TAF3: variants seen among roughly 807,000 people sequenced by gnomAD.
The protein encoded by TAF3 is TATA-box binding protein associated factor 3.
Under a neutral mutation model 80.6 loss-of-function variants are expected in TAF3, and 7 were observed. The ratio of observed to expected loss-of-function variants is 0.09; its 90% CI spans 0.05 to 0.16. The LOEUF is 0.16. Ranked by LOEUF, TAF3 falls within the 10% of genes least tolerant of loss-of-function variation. TAF3 has a pLI of 1.00. For missense variants in TAF3, 921 were observed against 1,140.2 expected (o/e 0.81, Z 2.77); for synonymous variants, 444 against 446.1 (o/e 1.00, Z 0.06).
chr10:7,976,997 A>C (rs1021659896), intron 3 of TAF3, among the ~76,000 whole-genome samples: 1 of 152,228 alleles, frequency 6.6e-6, no homozygotes, highest in African/African-American at 2.4e-5. Context: ...TCCAAAAGTT[A>C]ACCCAAACAA....
At chr10:8,003,755 G>A (rs1424345703) in intron 4 of TAF3, among the ~76,000 whole-genome samples, 2 of 152,074 alleles carry the variant, frequency 1.3e-5, no homozygotes, top group Admixed American at 6.5e-5. Flanking sequence ...TTAAAACATT[G>A]CCAGTCTTGG....
At chr10:7,939,038 G>A (rs1837951631) in intron 2 of TAF3, among the ~76,000 whole-genome samples, 1 of 152,194 alleles carries the variant, frequency 6.6e-6, no homozygotes, top group African/African-American at 2.4e-5. Flanking sequence ...ATACCAGCCT[G>A]CAGAGAAGAT....
chr10:8,008,952 C>T, intron 4 of TAF3, 126 bp from the exon 5 acceptor site: 1 of 1,337,782 alleles, frequency 7.5e-7, no homozygotes, highest in East Asian at 3.0e-5. Context: ...AGTTCTTGAG[C>T]TGCCTCTAGA....
At chr10:7,842,151 G>GTTTTTGT (rs1836921441) in intron 2 of TAF3, among the ~76,000 whole-genome samples, 1 of 98,748 alleles carries the variant, frequency 1.0e-5, no homozygotes, top group African/African-American at 3.7e-5. Flanking sequence ...AATTAATATT[G>GTTTTTGT]TTTTTTTTTT....
chr10:8,007,610 A>ATG (rs1491094282), intron 4 of TAF3, among the ~76,000 whole-genome samples: 1 of 50,402 alleles, frequency 2.0e-5, no homozygotes, highest in Non-Finnish European at 3.9e-5. Flanking sequence ...ATATATATAT[A>ATG]CCTTTTTTTT....
At chr10:7,897,652 C>T (rs1206377322) in intron 2 of TAF3, among the ~76,000 whole-genome samples, 3 of 151,308 alleles carry the variant, frequency 2.0e-5, no homozygotes, top group Admixed American at 2.0e-4. Flanking sequence ...TATTCTCTCT[C>T]TCTCTCTCTT....
intron 4 of TAF3, among the ~76,000 whole-genome samples, chr10:7,993,880 C>CTTTT (rs953356058): frequency 1.9e-4 from 20 of 104,388 alleles, no homozygotes; most frequent in South Asian, 3.7e-4. Context: ...AATATACAAT[C>CTTTT]TTTTTTTTTT....
chr10:7,917,079 A>T (rs1837718380), intron 2 of TAF3, among the ~76,000 whole-genome samples: 1 of 152,364 alleles, frequency 6.6e-6, no homozygotes, highest in African/African-American at 2.4e-5. Flanking sequence ...AATAAGTCCC[A>T]GTAAGTCCTT....
Position 7,830,473 on chromosome 10 carries a change from C to CTTTTTTTTTTTTT in TAF3, c.409+5929_409+5941dup, listed in dbSNP as rs1176707860. Among the ~76,000 whole-genome samples, 19 of 57,724 alleles carry CTTTTTTTTTTTTT rather than the reference C, an allele frequency of 3.3e-4. 4 individuals are homozygous for CTTTTTTTTTTTTT. Among genetic ancestry groups the CTTTTTTTTTTTTT allele is most frequent in the South Asian group, 1.6e-3 (2 of 1,218 alleles). The allele number at this position is 57,724 out of a possible 152,430, so 37.9% of individuals were successfully genotyped here. ...TGCACACCTTTTTCACTTTACATGT[C>CTTTTTTTTTTTTT]TTTTTTTTTTTTTTTTTTTTTTTTT... On this transcript the variant is annotated intron_variant, in intron 2 of 6. Transcript: ENST00000344293.
At chr10:7,956,724 A>C (rs1290856670) in intron 2 of TAF3, among the ~76,000 whole-genome samples, 2 of 152,166 alleles carry the variant, frequency 1.3e-5, no homozygotes, top group Admixed American at 1.3e-4. Flanking sequence ...GACTGGTGAA[A>C]AAAGCATACC....
chr10:7,856,680 C>A (rs2482628), intron 2 of TAF3, among the ~76,000 whole-genome samples: 95,958 of 151,606 alleles, frequency 0.63, 30,826 homozygotes, highest in South Asian at 0.88. Context: ...AGGGCTCCTT[C>A]GAAAAATGGC....
intron 2 of TAF3, among the ~76,000 whole-genome samples, chr10:7,882,321 A>C (rs1012527483): frequency 6.6e-6 from 1 of 152,204 alleles, no homozygotes; most frequent in Admixed American, 6.5e-5. Flanking sequence ...ACATACATAT[A>C]CTTCACAGTC....
intron 2 of TAF3, among the ~76,000 whole-genome samples, chr10:7,828,759 C>A (rs931080363): frequency 6.6e-6 from 1 of 151,902 alleles, no homozygotes; most frequent in Non-Finnish European, 1.5e-5. Flanking sequence ...ATAGGCTGGG[C>A]GCAGTGGCTC....
At chr10:7,868,670 A>T (rs1022068095) in intron 2 of TAF3, among the ~76,000 whole-genome samples, 12 of 152,324 alleles carry the variant, frequency 7.9e-5, no homozygotes, top group Admixed American at 5.9e-4. Flanking sequence ...ATAGATCATA[A>T]ATAGTACCCA....
At chr10:7,968,967 C>T (rs76809517) in intron 3 of TAF3, among the ~76,000 whole-genome samples, 4,280 of 152,222 alleles carry the variant, frequency 0.028, 222 homozygotes, top group African/African-American at 0.097. Flanking sequence ...AGGGTTGGGA[C>T]TCTAGACTGT....
rs188457632 is a variant in TAF3 at position 7,845,051 on chromosome 10, T to C, written c.409+20491T>C. Among the ~76,000 whole-genome samples the C allele has an allele frequency of 9.2e-5, 14 of 152,346 alleles. No homozygotes were observed. The East Asian group carries it at 2.1e-3, about 23-fold the overall frequency. ...ACACATTTATGGTTTTTGACACATA[T>C]TACCCATTGATTTCCAAAAGAGTTG... On this transcript the variant is annotated intron_variant, in intron 2 of 6. Coordinates refer to ENST00000344293, the MANE Select transcript of TAF3 (RefSeq NM_031923.4).
intron 2 of TAF3, among the ~76,000 whole-genome samples, chr10:7,938,597 A>G (rs1837947405): frequency 6.6e-6 from 1 of 152,226 alleles, no homozygotes. Context: ...CAGAGAAATA[A>G]TGAGGCCAAT....
intron 2 of TAF3, among the ~76,000 whole-genome samples, chr10:7,920,127 G>A (rs138865701): frequency 2.4e-4 from 36 of 152,012 alleles, no homozygotes; most frequent in African/African-American, 8.0e-4. Flanking sequence ...TTGGCATGTG[G>A]CTGTATTCCC....
intron 2 of TAF3, among the ~76,000 whole-genome samples, chr10:7,887,178 G>C (rs1837416237): frequency 6.6e-6 from 1 of 151,330 alleles, no homozygotes; most frequent in African/African-American, 2.4e-5. Context: ...CTTGCAGTGA[G>C]CCGAGATCGC....
Sources: gnomAD v4.1 joint callset for allele counts (sites outside exome capture counted in the v4.1 genomes callset) on GRCh38, gnomAD v4.1.1 for gene constraint, MANE v1.5 for transcripts, NCBI Gene and HGNC (gene_info 2026-07-23, HGNC 2026-07-21) for gene names.